DGKD: variants seen among roughly 807,000 people sequenced by gnomAD.
The protein encoded by DGKD is DAG kinase delta.
Under a neutral mutation model 154.4 loss-of-function variants are expected in DGKD, and 68 were observed. The ratio of observed to expected loss-of-function variants is 0.44; its 90% CI spans 0.36 to 0.54. The LOEUF (loss-of-function observed/expected upper bound fraction) is 0.54, where lower values mean the gene tolerates loss of function less well. Ranked by LOEUF, DGKD falls within the 20% of genes least tolerant of loss-of-function variation. The probability of loss-of-function intolerance (pLI) is 0.00; values close to 1 mark genes in which losing one functional copy is unlikely to be tolerated. For synonymous variants in DGKD, 693 were observed against 638.0 expected, an observed-to-expected ratio of 1.09 and a Z score of -1.30; for missense variants, 1,343 against 1,593.6, an observed-to-expected ratio of 0.84 and a Z score of 2.68.
intron 3 of DGKD, among the ~76,000 whole-genome samples, chr2:233,411,972 A>G (rs1388274278): frequency 1.3e-5 from 2 of 152,166 alleles, no homozygotes; most frequent in African/African-American, 4.8e-5. Flanking sequence ...GTTTTATTGA[A>G]CTATATTATG....
intron 3 of DGKD, among the ~76,000 whole-genome samples, chr2:233,401,686 T>C (rs1200270879): frequency 6.6e-6 from 1 of 152,070 alleles, no homozygotes; most frequent in Non-Finnish European, 1.5e-5. Context: ...TTTGGGAAGC[T>C]GAGGCGGTGG....
At chr2:233,425,571 G>T (rs1470642612) in intron 3 of DGKD, among the ~76,000 whole-genome samples, 2 of 152,174 alleles carry the variant, frequency 1.3e-5, no homozygotes, top group Non-Finnish European at 2.9e-5. Flanking sequence ...AAGATATAAA[G>T]TGTTTCCCAG....
intron 3 of DGKD, among the ~76,000 whole-genome samples, chr2:233,417,460 G>A (rs2061987218): frequency 6.6e-6 from 1 of 152,142 alleles, no homozygotes; most frequent in South Asian, 2.1e-4. Flanking sequence ...ATTTGCATAA[G>A]TTCTCAGTGG....
chr2:233,401,047 C>G (rs1168933560), intron 3 of DGKD, among the ~76,000 whole-genome samples: 2 of 152,010 alleles, frequency 1.3e-5, no homozygotes, highest in Admixed American at 6.6e-5. Flanking sequence ...TTCTTTTGAT[C>G]TCTGAAAGTA....
chr2:233,433,976 T>C (rs2062611485), intron 3 of DGKD, among the ~76,000 whole-genome samples: 1 of 152,266 alleles, frequency 6.6e-6, no homozygotes, highest in African/African-American at 2.4e-5. Context: ...GACTTACAGC[T>C]GAGCAGACTT....
intron 1 of DGKD, among the ~76,000 whole-genome samples, chr2:233,377,655 A>G (rs1200497643): frequency 6.6e-6 from 1 of 152,188 alleles, no homozygotes; most frequent in South Asian, 2.1e-4. Flanking sequence ...ATAGATTCCT[A>G]GGAGTGGGCT....
chr2:233,363,962 T>C (rs1336598736), intron 1 of DGKD, among the ~76,000 whole-genome samples: 1 of 152,212 alleles, frequency 6.6e-6, no homozygotes, highest in Non-Finnish European at 1.5e-5. Flanking sequence ...TGCTCATTGT[T>C]AAGCAACTGA....
At chr2:233,464,464 G>A (rs1191229056) in intron 27 of DGKD, among the ~76,000 whole-genome samples, 181 bp downstream of exon 27, 1 of 152,238 alleles carries the variant, frequency 6.6e-6, no homozygotes, top group Admixed American at 6.5e-5. Flanking sequence ...GGGACAGCAG[G>A]TAGGAAGGAG....
Position 233,440,829 on chromosome 2 carries a change from G to T in DGKD, c.1086-1058G>T, listed in dbSNP as rs573292837. On this transcript the variant is annotated intron_variant, in intron 9 of 29. Transcript: ENST00000264057. The surrounding 1 kb of genome is among the most constrained non-coding windows in gnomAD (Gnocchi z 4.9). ...CTCATGGGGAGCTTTCAGGAAGGGTGTCAAGGTGACTGAGGCTCCTGTGGG... is the reference window on the plus strand; with the variant it reads ...CTCATGGGGAGCTTTCAGGAAGGGTTTCAAGGTGACTGAGGCTCCTGTGGG... Among the ~76,000 whole-genome samples, 2 of 152,228 alleles carry T rather than the reference G, an allele frequency of 1.3e-5. No homozygotes were observed. Among genetic ancestry groups the T allele is most frequent in the African/African-American group, 4.8e-5 (2 of 41,450 alleles).
intron 3 of DGKD, among the ~76,000 whole-genome samples, chr2:233,397,640 C>T (rs1011374809): frequency 2.0e-5 from 3 of 152,138 alleles, no homozygotes. Context: ...TTGGGACTTA[C>T]TCCTCAGGAC....
intron 3 of DGKD, among the ~76,000 whole-genome samples, chr2:233,421,000 A>G (rs1345682089): frequency 6.6e-6 from 1 of 152,172 alleles, no homozygotes; most frequent in East Asian, 1.9e-4. Flanking sequence ...GGTGATCGTC[A>G]AATTACCTCC....
intron 5 of DGKD, among the ~76,000 whole-genome samples, chr2:233,435,592 C>T (rs1273186063): frequency 6.6e-6 from 1 of 152,230 alleles, no homozygotes; most frequent in African/African-American, 2.4e-5. Context: ...ACTGCTCACT[C>T]TCTGGCCTGT....
At chr2:233,397,158 CGGGGG>C (rs1181508009) in intron 3 of DGKD, among the ~76,000 whole-genome samples, 1 of 28,692 alleles carries the variant, frequency 3.5e-5, no homozygotes, top group African/African-American at 2.0e-4. Context: ...AGGGTGGCTG[CGGGGG>C]GGGCCAGAGT....
At chr2:233,453,671 T>G (rs1481470142) in intron 18 of DGKD, among the ~76,000 whole-genome samples, 1 of 152,240 alleles carries the variant, frequency 6.6e-6, no homozygotes, top group African/African-American at 2.4e-5. Flanking sequence ...GGCTGCAGCC[T>G]CTGGGTGGAG....
At chr2:233,407,132 C>A (rs1214991742) in intron 3 of DGKD, among the ~76,000 whole-genome samples, 1 of 152,118 alleles carries the variant, frequency 6.6e-6, no homozygotes, top group Admixed American at 6.6e-5. Flanking sequence ...CACAGAAGTG[C>A]GTTCTGAATG....
rs762558406 is a variant in DGKD at position 233,445,766 on chromosome 2, A to G, written c.1334+4A>G. 1.4e-5 allele frequency: 22 copies of G among 1,608,256 alleles called. No individual in the cohort carries two copies. The African/African-American group carries it at 2.5e-4, about 19-fold the overall frequency. On this transcript the variant is annotated splice_donor_region_variant and intron_variant, in intron 11 of 29. Transcript: ENST00000264057. The surrounding 1 kb of genome is among the most constrained non-coding windows in gnomAD (Gnocchi z 5.5). ...CCAGCACCAAGATGCTGGACAGGTG[A>G]GTGGGGATGTGCTCCGGTGCCGTAT...
intron 19 of DGKD, 57 bp downstream of exon 19, chr2:233,454,930 C>T: frequency 9.3e-7 from 1 of 1,072,208 alleles, no homozygotes; most frequent in Non-Finnish European, 1.4e-6. Flanking sequence ...CTTCTCCTTC[C>T]AGACAGTAGC....
chr2:233,462,109 A>G (rs542748953), intron 24 of DGKD, among the ~76,000 whole-genome samples: 1 of 152,172 alleles, frequency 6.6e-6, no homozygotes, highest in Admixed American at 6.5e-5. Context: ...CTCTCCCTGG[A>G]AAATCTTGGA....
chr2:233,367,518 C>T (rs546138128), intron 1 of DGKD, among the ~76,000 whole-genome samples: 1 of 152,252 alleles, frequency 6.6e-6, no homozygotes, highest in South Asian at 2.1e-4. Flanking sequence ...CATGAGCCAC[C>T]GCACCCAGCT....
Sources: gnomAD v4.1 joint callset for allele counts (sites outside exome capture counted in the v4.1 genomes callset) on GRCh38, gnomAD v4.1.1 for gene constraint, Gnocchi (gnomAD v3.1) non-coding constraint, MANE v1.5 for transcripts, NCBI Gene and HGNC (gene_info 2026-07-23, HGNC 2026-07-21) for gene names.